The following LAMA4 variants were observed in gnomAD, a reference collection of about 807,000 sequenced individuals.
LAMA4 encodes laminin subunit alpha-4.
A neutral mutation model predicts 207.1 loss-of-function variants in LAMA4; 127 were observed. That is an observed-to-expected ratio of 0.61 (90% CI 0.53 to 0.71). The LOEUF is 0.71. Ranked by LOEUF, LAMA4 falls within the 30% of genes least tolerant of loss-of-function variation. LAMA4 has a pLI of 0.00. For synonymous variants in LAMA4, 761 were observed against 816.0 expected, an observed-to-expected ratio of 0.93 and a Z score of 1.15; for missense variants, 2,093 against 2,246.5, an observed-to-expected ratio of 0.93 and a Z score of 1.38.
chr6:112,152,073 G>A (rs181714739), intron 16 of LAMA4, among the ~76,000 whole-genome samples: 121 of 152,102 alleles, frequency 8.0e-4, no homozygotes, highest in African/African-American at 2.8e-3. Context: ...TAGAATTTTT[G>A]CATCTCTTTT....
At chr6:112,186,293 C>G (rs1782679762) in intron 8 of LAMA4, among the ~76,000 whole-genome samples, 1 of 152,208 alleles carries the variant, frequency 6.6e-6, no homozygotes, top group Non-Finnish European at 1.5e-5. Flanking sequence ...TACCTACGGT[C>G]ACACAGCTAG....
At chr6:112,148,021 T>G in intron 18 of LAMA4, 136 bp downstream of exon 18, 1 of 774,000 alleles carries the variant, frequency 1.3e-6, no homozygotes, top group Non-Finnish European at 2.2e-6. Flanking sequence ...GCAAAAGCTT[T>G]TCTTTTTCTA....
intron 2 of LAMA4, chr6:112,219,719 A>G (rs1331248632): frequency 1.3e-5 from 2 of 152,202 alleles, no homozygotes; most frequent in Non-Finnish European, 2.9e-5. Context: ...TTAATTGAAC[A>G]TGAATATCTA....
At chr6:112,110,487 T>A (rs1554321239) in intron 38 of LAMA4, among the ~76,000 whole-genome samples, 1 of 152,078 alleles carries the variant, frequency 6.6e-6, no homozygotes, top group African/African-American at 2.4e-5. Context: ...CAATGTAGGG[T>A]AAGAATATGC....
intron 21 of LAMA4, 50 bp from the exon 22 acceptor site, chr6:112,140,972 A>G: frequency 6.6e-7 from 1 of 1,516,922 alleles, no homozygotes; most frequent in Non-Finnish European, 9.1e-7. Flanking sequence ...CATAGAAAAT[A>G]CTTTTTAAAT....
intron 3 of LAMA4, 142 bp from the exon 4 acceptor site, chr6:112,207,287 C>T: frequency 2.3e-6 from 2 of 880,680 alleles, no homozygotes; most frequent in Admixed American, 3.9e-5. Flanking sequence ...TACAGATTAG[C>T]ATGAGGAGTC....
Position 112,253,942 on chromosome 6 carries a change from C to T in LAMA4, c.195+14G>A. 1 of 1,605,730 alleles carries T rather than the reference C, an allele frequency of 6.2e-7. No homozygotes were observed. The highest frequency in any genetic ancestry group is 8.5e-7 in the Non-Finnish European group (1 of 1,175,612). ...AGGTGCCCCAGCAGGGTGGCAATGG[C>T]AGGGACACTGTACCTCGGCCGCAGG... On this transcript the variant is annotated intron_variant, in intron 2 of 38. Coordinates refer to ENST00000230538, the MANE Select transcript of LAMA4 (RefSeq NM_001105206.3).
intron 2 of LAMA4, among the ~76,000 whole-genome samples, chr6:112,226,439 G>A (rs1785217590): frequency 6.6e-6 from 1 of 152,056 alleles, no homozygotes; most frequent in Non-Finnish European, 1.5e-5. Context: ...CGCTACAGAG[G>A]CCTGGGATGT....
At chr6:112,198,013 C>T (rs1316122947) in intron 5 of LAMA4, among the ~76,000 whole-genome samples, 9 of 152,206 alleles carry the variant, frequency 5.9e-5, no homozygotes, top group Non-Finnish European at 1.2e-4. Flanking sequence ...CCTGAACCTT[C>T]ATTTCCAAGG....
chr6:112,211,442 A>G (rs1284248735), intron 3 of LAMA4, among the ~76,000 whole-genome samples: 1 of 152,228 alleles, frequency 6.6e-6, no homozygotes, highest in African/African-American at 2.4e-5. Flanking sequence ...TTCACTTAAC[A>G]AACCTGAATT....
chr6:112,171,901 G>T (rs1283052745), intron 12 of LAMA4: 1 of 152,320 alleles, frequency 6.6e-6, no homozygotes. Context: ...TCGTGAATTT[G>T]CTCATAATTG....
In LAMA4 at chr6:112,223,372, A is replaced by G. The variant is rs146200925; in HGVS notation, c.196-6903T>C. ...TTGACTCCTTAGCTACTTAGAAGGAATCAATGTTGTGAGGTGAAAGACATC... is the reference window on the plus strand; with the variant it reads ...TTGACTCCTTAGCTACTTAGAAGGAGTCAATGTTGTGAGGTGAAAGACATC... On this transcript the variant is annotated intron_variant, in intron 2 of 38. Coordinates refer to ENST00000230538, the MANE Select transcript of LAMA4 (RefSeq NM_001105206.3). Among the ~76,000 whole-genome samples, 940 of 152,322 alleles carry G rather than the reference A, an allele frequency of 6.2e-3. 18 individuals are homozygous for G. Among genetic ancestry groups the G allele is most frequent in the African/African-American group, 0.021 (893 of 41,566 alleles).
chr6:112,136,361 T>G (rs925636016), intron 24 of LAMA4, 107 bp from the exon 25 acceptor site: 2 of 895,928 alleles, frequency 2.2e-6, no homozygotes, highest in African/African-American at 3.3e-5. Flanking sequence ...TGGAACTATT[T>G]GAAGACTAAG....
intron 12 of LAMA4, 84 bp from the exon 13 acceptor site, chr6:112,165,360 C>A: frequency 1.1e-6 from 1 of 900,752 alleles, no homozygotes. Flanking sequence ...TCAACTTGCT[C>A]TCTTTGGACT....
chr6:112,209,569 A>C (rs1291442105), intron 3 of LAMA4, among the ~76,000 whole-genome samples: 2 of 152,166 alleles, frequency 1.3e-5, no homozygotes, highest in African/African-American at 4.8e-5. Context: ...GGAGGCAGGG[A>C]GAAAAGGTCC....
intron 12 of LAMA4, among the ~76,000 whole-genome samples, chr6:112,167,885 CACACACACAG>C (rs1781474734): frequency 1.9e-5 from 2 of 107,562 alleles, no homozygotes; most frequent in South Asian, 2.9e-4. Context: ...CACACACACA[CACACACACAG>C]AGTTATGCAT....
At chr6:112,180,012 C>G (rs1013167553) in intron 9 of LAMA4, 6 of 471,044 alleles carry the variant, frequency 1.3e-5, no homozygotes, top group African/African-American at 4.1e-5. Flanking sequence ...TATAATAAAT[C>G]TTAATATTAC....
At chr6:112,207,343 T>A (rs946074341) in intron 3 of LAMA4, among the ~76,000 whole-genome samples, 198 bp from the exon 4 acceptor site, 3 of 152,136 alleles carry the variant, frequency 2.0e-5, no homozygotes, top group African/African-American at 7.2e-5. Flanking sequence ...AGTGGTGAAT[T>A]AATTTTTCCT....
At chr6:112,238,535 C>T (rs1308626949) in intron 2 of LAMA4, among the ~76,000 whole-genome samples, 1 of 151,878 alleles carries the variant, frequency 6.6e-6, no homozygotes, top group African/African-American at 2.4e-5. Context: ...CATGGTGAAA[C>T]CCTGTCTCTC....
Sources: gnomAD v4.1 joint callset for allele counts (sites outside exome capture counted in the v4.1 genomes callset) on GRCh38, gnomAD v4.1.1 for gene constraint, MANE v1.5 for transcripts, NCBI Gene and HGNC (gene_info 2026-07-23, HGNC 2026-07-21) for gene names.